CUBN: variants seen among roughly 807,000 people sequenced by gnomAD.
CUBN encodes 460 kDa receptor.
Under a neutral mutation model 405.3 loss-of-function variants are expected in CUBN, and 282 were observed. That is an observed-to-expected ratio of 0.70 (90% CI 0.63 to 0.77). CUBN has a LOEUF of 0.77. CUBN is among the 30% of genes least tolerant of loss of function. CUBN has a pLI of 0.00. For synonymous variants in CUBN, 1,684 were observed against 1,617.0 expected, an observed-to-expected ratio of 1.04 and a Z score of -0.99; for missense variants, 4,514 against 4,475.2, an observed-to-expected ratio of 1.01 and a Z score of -0.25.
intron 40 of CUBN, among the ~76,000 whole-genome samples, chr10:16,931,160 A>G (rs1322642031): frequency 6.6e-6 from 1 of 151,736 alleles, no homozygotes; most frequent in Admixed American, 6.6e-5. Context: ...GCTATTAGGG[A>G]GGCTGAGGCA....
chr10:17,011,461 CTT>C (rs1352705680), intron 28 of CUBN, among the ~76,000 whole-genome samples: 1 of 152,020 alleles, frequency 6.6e-6, no homozygotes, highest in Non-Finnish European at 1.5e-5. Context: ...GTCTTGCTGA[CTT>C]CAGGAATGAA....
At position 17,075,073 on chromosome 10, in the gene CUBN, CTTTTTTTTTTT is replaced by C. The variant is rs957929670; in HGVS notation, c.2302-3113_2302-3103del. ...TAAAGAGAAGATTTTTCTTTGTTTT[CTTTTTTTTTTT>C]TTTTTTTTTTTTTTTTTGAGATGAA... On this transcript the variant is annotated intron_variant, in intron 17 of 66. Coordinates refer to ENST00000377833, the MANE Select transcript of CUBN (RefSeq NM_001081.4). Among the ~76,000 whole-genome samples, 281 of 65,324 alleles carry C rather than the reference CTTTTTTTTTTT, an allele frequency of 4.3e-3. 1 individual carries two copies. The highest frequency in any genetic ancestry group is 0.017 in the African/African-American group (266 of 15,722). The allele number at this position is 65,324 out of a possible 152,430, so 42.9% of individuals were successfully genotyped here. A position where few individuals can be genotyped will look rare whatever the true frequency, so the allele number is the denominator to read the frequency against.
rs116350428 is a variant in CUBN at position 17,071,828 on chromosome 10, G to C, written c.2445C>G (p.Val815=). 1 of 1,611,582 alleles carries C rather than the reference G, an allele frequency of 6.2e-7. No homozygotes were observed. Among genetic ancestry groups the C allele is most frequent in the Non-Finnish European group, 8.5e-7 (1 of 1,179,392 alleles). The part of the protein sequence containing the change: ...EKASFRAVYQ[V]ACGDELTGEG... Reference sequence around the variant, plus strand: ...TTTAAAAATTATATGTTTCCTTACCGACTTGATAAACAGCTCTGAAACTAG... The same window carrying C: ...TTTAAAAATTATATGTTTCCTTACCCACTTGATAAACAGCTCTGAAACTAG... Residue 815 remains valine, a splice_region_variant and synonymous_variant, in exon 18 of 67, where the codon GTC becomes GTG. Transcript: ENST00000377833.
intron 27 of CUBN, among the ~76,000 whole-genome samples, chr10:17,029,173 G>C (rs74116802): frequency 0.061 from 9,256 of 152,248 alleles, 446 homozygotes; most frequent in East Asian, 0.19. Context: ...GAAACACGCA[G>C]AGTTTCTTTT....
At chr10:16,880,043 T>C (rs1029320806) in intron 56 of CUBN, among the ~76,000 whole-genome samples, 1 of 152,078 alleles carries the variant, frequency 6.6e-6, no homozygotes, top group African/African-American at 2.4e-5. Flanking sequence ...ACAGAAACAG[T>C]TGAATATTTG....
intron 59 of CUBN, among the ~76,000 whole-genome samples, chr10:16,868,109 C>T (rs1165303797): frequency 1.3e-5 from 2 of 152,114 alleles, no homozygotes; most frequent in African/African-American, 4.8e-5. Context: ...CTTTTGTATG[C>T]TACTTCACCT....
rs112227291 is a variant in CUBN at position 16,900,663 on chromosome 10, C to T, written c.8372G>A (p.Gly2791Asp). ...VTFNSDHSLQ[G>D]GGFYATWNTQ... ...GTTCCACGTAGCATAAAATCCACCA[C>T]CTTGCAATGAATGGTCTGAGTTAAA... is the stretch of plus-strand genomic sequence containing the variant. Residue 2791 changes from glycine (G) to aspartate (D), a missense_variant, in exon 53 of 67, where the codon GGT becomes GAT. Coordinates refer to ENST00000377833, the MANE Select transcript of CUBN (RefSeq NM_001081.4). 1.9e-6 allele frequency: 3 copies of T among 1,614,034 alleles called. No homozygotes were observed. The highest frequency in any genetic ancestry group is 2.2e-5 in the East Asian group (1 of 44,894).
chr10:17,107,115 T>A (rs533244313), intron 10 of CUBN, among the ~76,000 whole-genome samples: 81 of 152,198 alleles, frequency 5.3e-4, no homozygotes, highest in Non-Finnish European at 8.5e-4. Context: ...CATCCACGAT[T>A]AATTATGATG....
At chr10:17,125,223 T>C (rs1204935566) in intron 4 of CUBN, among the ~76,000 whole-genome samples, 1 of 152,176 alleles carries the variant, frequency 6.6e-6, no homozygotes, top group Non-Finnish European at 1.5e-5. Flanking sequence ...ATATTATATA[T>C]GTGTCTATAT....
At chr10:17,090,570 C>A (rs1836232368) in intron 14 of CUBN, among the ~76,000 whole-genome samples, 1 of 151,908 alleles carries the variant, frequency 6.6e-6, no homozygotes, top group Admixed American at 6.6e-5. Flanking sequence ...ATTGAGCTGA[C>A]AACCATAGAG....
chr10:16,946,865 A>C (rs1391939156), intron 36 of CUBN, among the ~76,000 whole-genome samples: 1 of 152,094 alleles, frequency 6.6e-6, no homozygotes, highest in Non-Finnish European at 1.5e-5. Context: ...AAGCGTAAAG[A>C]ATGCTTAATT....
intron 59 of CUBN, among the ~76,000 whole-genome samples, chr10:16,852,429 TTCCATCCCTCCCTCTATCTTTCCC>T (rs1839742485): frequency 7.6e-6 from 1 of 130,746 alleles, no homozygotes; most frequent in Non-Finnish European, 1.7e-5. Flanking sequence ...CACTCTATCT[TTCCATCCCTCCCTCTATCTTTCCC>T]TCCCTCCCTC....
chr10:16,889,186 G>A (rs1840916668), intron 55 of CUBN, among the ~76,000 whole-genome samples: 2 of 152,086 alleles, frequency 1.3e-5, no homozygotes, highest in Admixed American at 6.6e-5. Context: ...TATCAAGCAC[G>A]AAAATATCTC....
chr10:16,907,852 C>G (rs1410481822), intron 48 of CUBN, among the ~76,000 whole-genome samples, 173 bp from the exon 49 acceptor site: 1 of 152,178 alleles, frequency 6.6e-6, no homozygotes, highest in Non-Finnish European at 1.5e-5. Flanking sequence ...TTACCCCGAG[C>G]ACATTTTGTG....
intron 31 of CUBN, among the ~76,000 whole-genome samples, chr10:16,968,093 G>C (rs1299050438): frequency 6.6e-6 from 1 of 152,168 alleles, no homozygotes; most frequent in Non-Finnish European, 1.5e-5. Context: ...ATTTAAAGAA[G>C]ACTTGTTTCC....
rs374979108 is a variant in CUBN at position 16,906,413 on chromosome 10, A to G, written c.7706-4T>C. 563 of 1,599,412 alleles carry G rather than the reference A, an allele frequency of 3.5e-4. 3 individuals are homozygous for G. In the African/African-American group the frequency reaches 6.3e-3, roughly 18 times the overall value. On this transcript the variant is annotated splice_polypyrimidine_tract_variant and splice_region_variant and intron_variant, in intron 49 of 66. Transcript: ENST00000377833. ...TTTGGAAGAGACCCACCACACACTAAGAAAACAGAAGGCAACAGAGAAAGT... is the reference window on the plus strand; with the variant it reads ...TTTGGAAGAGACCCACCACACACTAGGAAAACAGAAGGCAACAGAGAAAGT...
At chr10:17,097,849 T>A (rs1164943068) in intron 14 of CUBN, among the ~76,000 whole-genome samples, 1 of 152,142 alleles carries the variant, frequency 6.6e-6, no homozygotes, top group African/African-American at 2.4e-5. Flanking sequence ...TCTTGGTAAC[T>A]AGGAACAAAA....
chr10:16,883,629 T>G (rs1028142760), intron 56 of CUBN, among the ~76,000 whole-genome samples: 2 of 152,260 alleles, frequency 1.3e-5, no homozygotes, highest in African/African-American at 4.8e-5. Context: ...AATTTTTTTT[T>G]ACTTTTTTTC....
At chr10:16,850,243 C>T (rs1564384678) in intron 60 of CUBN, among the ~76,000 whole-genome samples, 1 of 152,272 alleles carries the variant, frequency 6.6e-6, no homozygotes, top group East Asian at 1.9e-4. Flanking sequence ...CTGAACTATG[C>T]ATTCTTAATT....
Sources: allele counts gnomAD v4.1 joint callset (sites outside exome capture counted in the v4.1 genomes callset), GRCh38; gene constraint gnomAD v4.1.1; transcripts MANE v1.5; gene names NCBI Gene and HGNC (gene_info 2026-07-23, HGNC 2026-07-21).